Variants in WWOX observed in about 807,000 individuals in gnomAD.
The protein encoded by WWOX is WW domain-containing oxidoreductase.
A neutral mutation model predicts 46.2 loss-of-function variants in WWOX; 69 were observed. That is an observed-to-expected ratio of 1.49 (90% CI 1.23 to 1.82). WWOX has a LOEUF of 1.82. WWOX is among the 40% of genes most tolerant of loss of function. The probability of loss-of-function intolerance (pLI) is 0.00; values close to 1 mark genes in which losing one functional copy is unlikely to be tolerated. For missense variants in WWOX, 919 were observed against 542.6 expected, an observed-to-expected ratio of 1.69 and a Z score of -6.89; for synonymous variants, 359 against 202.6, an observed-to-expected ratio of 1.77 and a Z score of -6.56.
intron 4 of WWOX, among the ~76,000 whole-genome samples, chr16:78,133,577 G>T (rs2033683527): frequency 6.6e-6 from 1 of 150,924 alleles, no homozygotes; most frequent in Admixed American, 6.6e-5. Flanking sequence ...TGTATTTTTA[G>T]TAGAGATGGG....
intron 8 of WWOX, among the ~76,000 whole-genome samples, chr16:78,464,877 G>C (rs1466416311): frequency 6.6e-6 from 1 of 152,172 alleles, no homozygotes; most frequent in Non-Finnish European, 1.5e-5. Context: ...ATACTTCTGT[G>C]AAGAAATACC....
intron 8 of WWOX, among the ~76,000 whole-genome samples, chr16:79,052,482 C>G (rs918108901): frequency 6.6e-6 from 1 of 152,326 alleles, no homozygotes; most frequent in African/African-American, 2.4e-5. Flanking sequence ...CACATGCACA[C>G]ATATGTTTAT....
chr16:78,117,998 T>C (rs1179745062), intron 4 of WWOX, among the ~76,000 whole-genome samples: 1 of 152,010 alleles, frequency 6.6e-6, no homozygotes, highest in Non-Finnish European at 1.5e-5. Flanking sequence ...CAAAGGCCGA[T>C]TTGCAAATCT....
intron 8 of WWOX, among the ~76,000 whole-genome samples, chr16:78,812,339 GGTGA>G (rs2051211240): frequency 6.6e-6 from 1 of 151,984 alleles, no homozygotes; most frequent in Non-Finnish European, 1.5e-5. Flanking sequence ...AGACCCTCAG[GGTGA>G]CACCGATTTA....
chr16:78,148,135 CCTT>C (rs2034272085), intron 4 of WWOX, among the ~76,000 whole-genome samples: 1 of 152,124 alleles, frequency 6.6e-6, no homozygotes, highest in African/African-American at 2.4e-5. Context: ...AGTTGGGTTC[CCTT>C]CTTCTCTTGA....
intron 8 of WWOX, among the ~76,000 whole-genome samples, chr16:78,944,444 A>G (rs758263071): frequency 3.3e-5 from 5 of 152,158 alleles, no homozygotes; most frequent in Non-Finnish European, 5.9e-5. Flanking sequence ...ATGGGGGCAA[A>G]TATCACAATA....
In WWOX at chr16:78,346,866, G is replaced by A. The variant is rs1209353546; in HGVS notation, c.517-39994G>A. Among the ~76,000 whole-genome samples the A allele has an allele frequency of 7.6e-5, 9 of 118,060 alleles. 4 individuals are homozygous for A. The highest frequency in any genetic ancestry group is 2.6e-4 in the African/African-American group (9 of 34,708). 77.5% of individuals were successfully genotyped at this position (118,060 alleles called of 152,430 possible). On this transcript the variant is annotated intron_variant, in intron 5 of 8. Transcript: ENST00000566780. Reference sequence around the variant, plus strand: ...GTTACAGAAGCCTGCTACCATGCCTGGCTAATTTTTGTGTTGTTTTATTTT... The same window carrying A: ...GTTACAGAAGCCTGCTACCATGCCTAGCTAATTTTTGTGTTGTTTTATTTT...
intron 5 of WWOX, among the ~76,000 whole-genome samples, chr16:78,205,929 C>G (rs1266052592): frequency 1.3e-5 from 2 of 151,252 alleles, no homozygotes; most frequent in Non-Finnish European, 3.0e-5. Context: ...TTCCTTCCTT[C>G]TCTTTCTTTC....
chr16:78,388,343 T>G (rs1303535876), intron 6 of WWOX, among the ~76,000 whole-genome samples: 1 of 152,148 alleles, frequency 6.6e-6, no homozygotes, highest in Admixed American at 6.6e-5. Context: ...TCTACTTTAT[T>G]AGATTTAAAA....
At chr16:78,992,621 C>G (rs541876934) in intron 8 of WWOX, among the ~76,000 whole-genome samples, 3 of 152,302 alleles carry the variant, frequency 2.0e-5, no homozygotes, top group East Asian at 1.9e-4. Flanking sequence ...AGCTCCCCAT[C>G]CCTTCCCATG....
chr16:79,080,115 T>G (rs995341746), intron 8 of WWOX, among the ~76,000 whole-genome samples: 1 of 152,178 alleles, frequency 6.6e-6, no homozygotes, highest in Non-Finnish European at 1.5e-5. Flanking sequence ...CCTTTCAATC[T>G]AACTTAGGAA....
At chr16:78,169,568 T>C (rs747350452) in intron 5 of WWOX, among the ~76,000 whole-genome samples, 12 of 152,034 alleles carry the variant, frequency 7.9e-5, no homozygotes, top group Non-Finnish European at 1.3e-4. Context: ...CATTCCAGTG[T>C]AGAGCTCTTG....
intron 8 of WWOX, among the ~76,000 whole-genome samples, chr16:78,923,591 C>G (rs890072257): frequency 6.6e-6 from 1 of 151,972 alleles, no homozygotes; most frequent in Non-Finnish European, 1.5e-5. Flanking sequence ...GCAGCTTTTT[C>G]TACAAATCTC....
intron 8 of WWOX, among the ~76,000 whole-genome samples, chr16:78,668,678 G>C (rs998182251): frequency 1.3e-5 from 2 of 152,156 alleles, no homozygotes; most frequent in Admixed American, 6.5e-5. Flanking sequence ...CCCCTGAGAA[G>C]AGCAGGCATC....
chr16:78,194,587 C>CAAAA (rs368008924), intron 5 of WWOX, among the ~76,000 whole-genome samples: 3 of 98,526 alleles, frequency 3.0e-5, no homozygotes, highest in East Asian at 3.0e-4. Context: ...GACTCCATCT[C>CAAAA]AAAAAAAAAA....
intron 5 of WWOX, among the ~76,000 whole-genome samples, chr16:78,275,385 C>T (rs2079558707): frequency 6.6e-6 from 1 of 152,192 alleles, no homozygotes; most frequent in Admixed American, 6.6e-5. Context: ...CGGGTCAGCT[C>T]ACACCAACCA....
intron 8 of WWOX, among the ~76,000 whole-genome samples, chr16:78,669,592 T>C (rs1490450909): frequency 6.6e-6 from 1 of 152,222 alleles, no homozygotes; most frequent in East Asian, 1.9e-4. Flanking sequence ...AAACGTGACC[T>C]AGCTGGAAGG....
chr16:78,662,617 A>AT (rs1036165218), intron 8 of WWOX, among the ~76,000 whole-genome samples: 21 of 152,218 alleles, frequency 1.4e-4, no homozygotes, highest in African/African-American at 4.8e-4. Context: ...TTATTTTACT[A>AT]TTTTTTAAAA....
chr16:78,566,616 C>T (rs1225439664), intron 8 of WWOX, among the ~76,000 whole-genome samples: 2 of 152,130 alleles, frequency 1.3e-5, no homozygotes, highest in African/African-American at 2.4e-5. Context: ...TGGTTTTTAC[C>T]TCCCAAGACT....
Sources: allele counts gnomAD v4.1 joint callset (sites outside exome capture counted in the v4.1 genomes callset), GRCh38; gene constraint gnomAD v4.1.1; transcripts MANE v1.5; gene names NCBI Gene and HGNC (gene_info 2026-07-23, HGNC 2026-07-21).